The following MS4A4A variants were observed in gnomAD, a reference collection of about 807,000 sequenced individuals.
MS4A4A encodes membrane spanning 4-domains A4A, also known as membrane-spanning 4-domains subfamily A member 4A.
MS4A4A carries 26 observed loss-of-function variants against 28.0 expected under a neutral mutation model. That is an observed-to-expected ratio of 0.93 (90% CI 0.68 to 1.29). The LOEUF (loss-of-function observed/expected upper bound fraction) is 1.29. Among genes scored for constraint, MS4A4A ranks in the 50% most tolerant of loss-of-function variants. MS4A4A has a pLI of 0.00. For missense variants in MS4A4A, 290 were observed against 293.1 expected, an observed-to-expected ratio of 0.99 and a Z score of 0.08; for synonymous variants, 86 against 100.8, an observed-to-expected ratio of 0.85 and a Z score of 0.88.
chr11:60,287,945 G>A (rs1220859923), intron 1 of MS4A4A, among the ~76,000 whole-genome samples: 1 of 152,146 alleles, frequency 6.6e-6, no homozygotes, highest in Non-Finnish European at 1.5e-5. Flanking sequence ...TAAATCCTGG[G>A]GACACTGATT....
intron 4 of MS4A4A, among the ~76,000 whole-genome samples, chr11:60,302,005 C>G (rs1427736137): frequency 6.6e-6 from 1 of 152,158 alleles, no homozygotes; most frequent in East Asian, 1.9e-4. Flanking sequence ...GTCTCAAACT[C>G]CTGACCTCAG....
chr11:60,292,300 G>T lies in MS4A4A; in HGVS notation c.117G>T (p.Gln39His), dbSNP rs1257269057. 1 of 1,609,270 alleles carries T rather than the reference G, an allele frequency of 6.2e-7. No individual in the cohort carries two copies. The highest frequency in any genetic ancestry group is 8.5e-7 in the Non-Finnish European group (1 of 1,177,858). ...CAGGGGCTGGCCCTGGTGTGCCCCA[G>T]CTGGGAAACATGGCTGTCATACATT... is the stretch of plus-strand genomic sequence containing the variant. ...AMPGAGPGVP[Q>H]LGNMAVIHSH... Residue 39 changes from glutamine to histidine, a missense_variant, in exon 2 of 7, where the codon CAG becomes CAT. Coordinates refer to ENST00000337908, the MANE Select transcript of MS4A4A (RefSeq NM_148975.3).
chr11:60,305,482 C>G (rs2084990931), intron 5 of MS4A4A, among the ~76,000 whole-genome samples: 2 of 152,180 alleles, frequency 1.3e-5, no homozygotes, highest in African/African-American at 4.8e-5. Context: ...CCATCTTCTA[C>G]CTTCAAATCA....
At chr11:60,284,858 T>C (rs1590749573) in intron 1 of MS4A4A, among the ~76,000 whole-genome samples, 1 of 152,218 alleles carries the variant, frequency 6.6e-6, no homozygotes, top group Non-Finnish European at 1.5e-5. Context: ...TACTCGCAAA[T>C]TTTGTTAAAC....
At chr11:60,296,637 T>C (rs539864895) in intron 2 of MS4A4A, among the ~76,000 whole-genome samples, 1 of 152,288 alleles carries the variant, frequency 6.6e-6, no homozygotes, top group African/African-American at 2.4e-5. Flanking sequence ...TTGCTTTCAC[T>C]ACATCCCATA....
intron 1 of MS4A4A, among the ~76,000 whole-genome samples, chr11:60,288,057 A>T (rs1304933917): frequency 6.6e-6 from 1 of 152,066 alleles, no homozygotes; most frequent in African/African-American, 2.4e-5. Context: ...TAGTTCCGAG[A>T]TCTCAAAGGT....
chr11:60,292,354 G>T lies in MS4A4A; in HGVS notation c.171G>T (p.Lys57Asn), dbSNP rs1404531368. 11 of 1,604,092 alleles carry T rather than the reference G, an allele frequency of 6.9e-6. No individual in the cohort carries two copies. Among genetic ancestry groups the T allele is most frequent in the African/African-American group, 1.3e-5 (1 of 74,256 alleles). ...ATCTGTGGAAAGGATTGCAAGAGAA[G>T]TTCTTGAAGGGAGAACCCAAAGTCC... ...HSHLWKGLQE[K>N]FLKGEPKVLG... is the part of the protein sequence containing the mutation. Residue 57 changes from lysine to asparagine, a missense_variant, in exon 2 of 7, where the codon AAG becomes AAT. Coordinates refer to ENST00000337908, the MANE Select transcript of MS4A4A (RefSeq NM_148975.3).
chr11:60,306,251 G>A (rs763192507), intron 6 of MS4A4A, 50 bp downstream of exon 6: 3 of 1,390,932 alleles, frequency 2.2e-6, no homozygotes, highest in South Asian at 1.2e-5. Context: ...TTCTATTGCT[G>A]TGTAATCGAT....
Position 60,287,689 on chromosome 11 carries a change from A to G in MS4A4A, c.42-4536A>G, listed in dbSNP as rs139690127. Among the ~76,000 whole-genome samples, 864 of 152,318 alleles carry G rather than the reference A, an allele frequency of 5.7e-3. 5 individuals carry two copies. The highest frequency in any genetic ancestry group is 6.9e-3 in the Non-Finnish European group (472 of 68,032). ...GTCCAGAGTCACATCAGAAGCAGAT[A>G]TGGATGAGACTCAAGGTATGATTTA... On this transcript the variant is annotated intron_variant, in intron 1 of 6. Transcript: ENST00000337908.
At chr11:60,286,927 T>G (rs997470429) in intron 1 of MS4A4A, among the ~76,000 whole-genome samples, 1 of 151,956 alleles carries the variant, frequency 6.6e-6, no homozygotes, top group African/African-American at 2.4e-5. Context: ...TTTGGGGGGG[T>G]TTGTTTTTGT....
At position 60,304,897 on chromosome 11, in the gene MS4A4A, A is replaced by G. The variant is rs747925535; in HGVS notation, c.547-1203A>G. 2.6e-4 allele frequency among the ~76,000 whole-genome samples: 39 copies of G among 152,316 alleles called. No homozygotes were observed. The Middle Eastern group carries it at 0.017, about 66-fold the overall frequency. On this transcript the variant is annotated intron_variant, in intron 5 of 6. Transcript: ENST00000337908. ...TGCTGCTCTATCTTCTGTGCCTACA[A>G]CAATGTTGGAAACACAGAGGCCACT...
rs776125694 is a variant in MS4A4A at position 60,292,305 on chromosome 11, G to A, written c.122G>A (p.Gly41Glu). 20 of 1,609,546 alleles carry A rather than the reference G, an allele frequency of 1.2e-5. No individual in the cohort carries two copies. The South Asian group carries it at 2.1e-4, about 17-fold the overall frequency. ...PGAGPGVPQLGNMAVIHSHLW... is the reference protein window; with the variant it reads ...PGAGPGVPQLENMAVIHSHLW... ...GCTGGCCCTGGTGTGCCCCAGCTGG[G>A]AAACATGGCTGTCATACATTCACAT... Residue 41 changes from glycine (G) to glutamate (E), a missense_variant, in exon 2 of 7, where the codon GGA becomes GAA. Coordinates refer to ENST00000337908, the MANE Select transcript of MS4A4A (RefSeq NM_148975.3).
chr11:60,286,023 T>A (rs577544136), intron 1 of MS4A4A, among the ~76,000 whole-genome samples: 1 of 152,298 alleles, frequency 6.6e-6, no homozygotes, highest in African/African-American at 2.4e-5. Flanking sequence ...CCAGAGCGGC[T>A]GTCCATAGGC....
At chr11:60,282,587 T>C (rs2084764181) in intron 1 of MS4A4A, 2 of 1,283,862 alleles carry the variant, frequency 1.6e-6, no homozygotes, top group Non-Finnish European at 2.0e-6. Flanking sequence ...GTTTTTGTTC[T>C]TACAAGGTGG....
At chr11:60,289,299 G>A (rs1214725270) in intron 1 of MS4A4A, among the ~76,000 whole-genome samples, 1 of 152,114 alleles carries the variant, frequency 6.6e-6, no homozygotes, top group Non-Finnish European at 1.5e-5. Context: ...GACTCTAAGT[G>A]TCTCCAGTAG....
intron 5 of MS4A4A, among the ~76,000 whole-genome samples, chr11:60,304,492 C>T (rs1038366843): frequency 2.0e-5 from 3 of 152,196 alleles, no homozygotes; most frequent in Admixed American, 6.5e-5. Context: ...ATCTTTATGC[C>T]TGTTCTTATA....
At chr11:60,282,626 A>G (rs1358011846) in intron 1 of MS4A4A, 9 of 1,285,120 alleles carry the variant, frequency 7.0e-6, no homozygotes, top group Admixed American at 2.4e-5. Flanking sequence ...ATTCCTGCAA[A>G]TGGTTTCAAT....
chr11:60,289,107 G>T (rs140635253), intron 1 of MS4A4A, among the ~76,000 whole-genome samples: 2 of 152,206 alleles, frequency 1.3e-5, no homozygotes, highest in Non-Finnish European at 2.9e-5. Flanking sequence ...AGAGATAGAG[G>T]TGTGCAATAG....
rs1462569351 is a variant in MS4A4A, at chr11:60,308,409, C to T, written c.*231C>T. 1.8e-5 allele frequency: 8 copies of T among 451,192 alleles called. No homozygotes were observed. The highest frequency in any genetic ancestry group is 2.7e-5 in the Non-Finnish European group (7 of 256,972). 27.9% of individuals were successfully genotyped at this position (451,192 alleles called of 1,614,324 possible). A position where few individuals can be genotyped will look rare whatever the true frequency, so the allele number is the denominator to read the frequency against. On this transcript the variant is annotated 3_prime_UTR_variant, in exon 7 of 7. Transcript: ENST00000337908. ...ATAACTCATTTCACTGGCTCTTTAT[C>T]GAGAGTACTAGAAGTTAAATTAATA...
Sources: allele counts gnomAD v4.1 joint callset (sites outside exome capture counted in the v4.1 genomes callset), GRCh38; gene constraint gnomAD v4.1.1; transcripts MANE v1.5; gene names NCBI Gene and HGNC (gene_info 2026-07-23, HGNC 2026-07-21).